Variants in ZEB1 observed in about 807,000 individuals in gnomAD.
ZEB1 encodes zinc finger E-box binding homeobox 1.
ZEB1 carries 21 observed loss-of-function variants against 84.9 expected under a neutral mutation model. That is an observed-to-expected ratio of 0.25 (90% CI 0.18 to 0.36). The LOEUF (loss-of-function observed/expected upper bound fraction) is 0.36, where lower values mean the gene tolerates loss of function less well. Ranked by LOEUF, ZEB1 falls within the 10% of genes least tolerant of loss-of-function variation. ZEB1 has a pLI of 1.00. For missense variants in ZEB1, 1,104 were observed against 1,330.2 expected, an observed-to-expected ratio of 0.83 and a Z score of 2.65; for synonymous variants, 420 against 471.1, an observed-to-expected ratio of 0.89 and a Z score of 1.41.
At chr10:31,441,257 T>G (rs1007835119) in intron 1 of ZEB1, among the ~76,000 whole-genome samples, 7 of 151,894 alleles carry the variant, frequency 4.6e-5, no homozygotes, top group Non-Finnish European at 7.4e-5. Flanking sequence ...ATGCCACACA[T>G]CTACAACCAT....
chr10:31,452,598 T>C (rs574315112), intron 1 of ZEB1, among the ~76,000 whole-genome samples: 1 of 152,238 alleles, frequency 6.6e-6, no homozygotes, highest in African/African-American at 2.4e-5. Context: ...GACTTGTTTC[T>C]TCACTGAGAA....
At chr10:31,447,791 C>G (rs901452899) in intron 1 of ZEB1, among the ~76,000 whole-genome samples, 14 of 152,170 alleles carry the variant, frequency 9.2e-5, no homozygotes, top group Admixed American at 1.3e-4. Context: ...AGCTGTTAGT[C>G]TGATGGGCTT....
intron 1 of ZEB1, among the ~76,000 whole-genome samples, chr10:31,326,459 A>G (rs1352061211): frequency 6.6e-6 from 1 of 152,218 alleles, no homozygotes; most frequent in East Asian, 1.9e-4. Context: ...GGAGTAGACA[A>G]AAAATAACTT....
At chr10:31,474,442 C>T (rs2063762111) in intron 2 of ZEB1, among the ~76,000 whole-genome samples, 1 of 152,102 alleles carries the variant, frequency 6.6e-6, no homozygotes, top group Non-Finnish European at 1.5e-5. Flanking sequence ...TTTATGCAGC[C>T]AAAAAACACA....
Position 31,526,852 on chromosome 10 carries a change from G to C in ZEB1, c.2966G>C (p.Arg989Thr). ...AATCATCGCTACTCCTACTGTAAGAGAGAAGCGGAAGAACGTGACAGCACA... is the reference window on the plus strand; with the variant it reads ...AATCATCGCTACTCCTACTGTAAGACAGAAGCGGAAGAACGTGACAGCACA... ...HMNHRYSYCK[R>T]EAEERDSTEQ... is the part of the protein sequence containing the mutation. Residue 989 changes from arginine to threonine, a missense_variant, in exon 9 of 9, where the codon AGA becomes ACA. This residue lies in a region of ZEB1 where 173 missense variants were observed against 167.0 expected (regional missense o/e 1.04). Transcript: ENST00000424869. 6.2e-7 allele frequency: 1 copy of C among 1,614,164 alleles called. No homozygotes were observed. The highest frequency in any genetic ancestry group is 1.3e-5 in the African/African-American group (1 of 75,058).
At chr10:31,330,825 A>T (rs1564481876) in intron 1 of ZEB1, among the ~76,000 whole-genome samples, 1 of 54,686 alleles carries the variant, frequency 1.8e-5, no homozygotes, top group Non-Finnish European at 3.4e-5. Context: ...TTATTTTAAG[A>T]TAGTTTTTTA....
chr10:31,478,775 A>G (rs1448486888), intron 2 of ZEB1, among the ~76,000 whole-genome samples: 3 of 152,002 alleles, frequency 2.0e-5, no homozygotes, highest in Admixed American at 1.3e-4. Context: ...CGAATACTGC[A>G]CATTCTCACT....
intron 1 of ZEB1, among the ~76,000 whole-genome samples, chr10:31,442,031 C>T (rs1001714740): frequency 1.3e-5 from 2 of 152,110 alleles, no homozygotes; most frequent in East Asian, 1.9e-4. Flanking sequence ...CTAGAAATAC[C>T]ATTTGACCCA....
chr10:31,441,192 C>A (rs2058928148), intron 1 of ZEB1, among the ~76,000 whole-genome samples: 1 of 152,180 alleles, frequency 6.6e-6, no homozygotes, highest in African/African-American at 2.4e-5. Context: ...CAGCATGGTA[C>A]TGGTACCAAA....
At chr10:31,345,888 C>A (rs1590144025) in intron 1 of ZEB1, among the ~76,000 whole-genome samples, 1 of 152,104 alleles carries the variant, frequency 6.6e-6, no homozygotes, top group Non-Finnish European at 1.5e-5. Flanking sequence ...GATGCCTTAC[C>A]ACCTTTGAAA....
Position 31,502,425 on chromosome 10 carries a change from C to G in ZEB1, c.400C>G (p.Gln134Glu), listed in dbSNP as rs772364498. 3.7e-6 allele frequency: 6 copies of G among 1,613,758 alleles called. No individual in the cohort carries two copies. The highest frequency in any genetic ancestry group is 5.1e-6 in the Non-Finnish European group (6 of 1,179,868). The change falls in exon 4 of 9, where the codon CAA (glutamine) becomes GAA (glutamate). Residue 134 changes from glutamine to glutamate, a missense_variant. By Grantham distance (29) the Gln-to-Glu change is conservative. Coordinates refer to ENST00000424869, the MANE Select transcript of ZEB1 (RefSeq NM_001174096.2). ...TAATGTTGAAGAGTTTCTACAACAA[C>G]AAGACACTGCTGTCATTTTTCCTGA... ...DPNVEEFLQQ[Q>E]DTAVIFPEAP...
At chr10:31,367,195 C>T (rs1349327110) in intron 1 of ZEB1, among the ~76,000 whole-genome samples, 1 of 152,058 alleles carries the variant, frequency 6.6e-6, no homozygotes, top group Non-Finnish European at 1.5e-5. Flanking sequence ...AAAACTGAAG[C>T]TTTTTCTGTT....
rs766577918 is a variant in ZEB1 at position 31,527,115 on chromosome 10, G to A, written c.3229G>A (p.Glu1077Lys). 1 of 1,604,242 alleles carries A rather than the reference G, an allele frequency of 6.2e-7. No individual in the cohort carries two copies. The highest frequency in any genetic ancestry group is 8.5e-7 in the Non-Finnish European group (1 of 1,174,910). Residue 1077 changes from glutamate (E) to lysine (K), a missense_variant, in exon 9 of 9, where the codon GAG (glutamate) becomes AAG (lysine). By Grantham distance (56) the Glu-to-Lys change is moderately conservative. Coordinates refer to ENST00000424869, the MANE Select transcript of ZEB1 (RefSeq NM_001174096.2). ...GGAGGAGGAAGAAGTGGAAGAAGAAGAGGTAGAAGAGGCAGAGAATGAGGG... is the reference window on the plus strand; with the variant it reads ...GGAGGAGGAAGAAGTGGAAGAAGAAAAGGTAGAAGAGGCAGAGAATGAGGG... Reference protein sequence around the residue: ...EEEEEEVEEEEVEEAENEGEE... With the variant: ...EEEEEEVEEEKVEEAENEGEE...
At chr10:31,361,929 G>A (rs1264240278) in intron 1 of ZEB1, among the ~76,000 whole-genome samples, 1 of 150,732 alleles carries the variant, frequency 6.6e-6, no homozygotes, top group Non-Finnish European at 1.5e-5. Flanking sequence ...GAGGAGGCCG[G>A]GCAGAGGCAC....
At position 31,446,122 on chromosome 10, in the gene ZEB1, A is replaced by G. The variant is rs568923532; in HGVS notation, c.59-14915A>G. ...TGTTATTGGTCTATTCAGAGATTCA[A>G]CTTCTTCCTGGTTTAGTCTTGGGAG... is the stretch of plus-strand genomic sequence containing the variant. On this transcript the variant is annotated intron_variant, in intron 1 of 8. Transcript: ENST00000424869. Among the ~76,000 whole-genome samples the G allele has an allele frequency of 7.1e-3, 1,078 of 151,268 alleles. 11 individuals carry two copies. The highest frequency in any genetic ancestry group is 0.025 in the African/African-American group (1,033 of 41,144).
chr10:31,408,258 TGGAAGAACATTCCATGCTCATGGCTA>T (rs2053532245), intron 1 of ZEB1, among the ~76,000 whole-genome samples: 1 of 150,348 alleles, frequency 6.7e-6, no homozygotes, highest in South Asian at 2.1e-4. Context: ...TACAAACAAA[TGGAAGAACATTCCATGCTCATGGCTA>T]GGAAGAATCA....
At chr10:31,400,342 G>A (rs2051718363) in intron 1 of ZEB1, among the ~76,000 whole-genome samples, 1 of 152,090 alleles carries the variant, frequency 6.6e-6, no homozygotes, top group African/African-American at 2.4e-5. Context: ...ATTTTTGAGA[G>A]CTCCTGGGAT....
intron 1 of ZEB1, among the ~76,000 whole-genome samples, chr10:31,362,587 G>T (rs1207419536): frequency 8.9e-6 from 1 of 112,144 alleles, no homozygotes; most frequent in Non-Finnish European, 1.9e-5. Context: ...AGAGGCTCTT[G>T]TCGCTTCCCA....
chr10:31,443,721 G>C (rs1217445693), intron 1 of ZEB1, among the ~76,000 whole-genome samples: 2 of 150,330 alleles, frequency 1.3e-5, no homozygotes, highest in Non-Finnish European at 2.9e-5. Flanking sequence ...TTTCATCCAT[G>C]TCCTTACAAA....
Sources: allele counts gnomAD v4.1 joint callset (sites outside exome capture counted in the v4.1 genomes callset), GRCh38; gene constraint gnomAD v4.1.1; regional missense constraint gnomAD v4.1.1; transcripts MANE v1.5; gene names NCBI Gene and HGNC (gene_info 2026-07-23, HGNC 2026-07-21).